CEP97: variants seen among roughly 807,000 people sequenced by gnomAD.
The protein encoded by CEP97 is centrosomal protein 97.
Under a neutral mutation model 73.1 loss-of-function variants are expected in CEP97, and 43 were observed. The observed-to-expected ratio is 0.59, with a 90% CI of 0.46 to 0.76. CEP97 has a LOEUF of 0.76. Ranked by LOEUF, CEP97 falls within the 30% of genes least tolerant of loss-of-function variation. The pLI is 0.00. For missense variants in CEP97, 939 were observed against 1,014.0 expected (o/e 0.93, Z 1.00); for synonymous variants, 337 against 370.0 (o/e 0.91, Z 1.02).
chr3:101,757,848 A>C lies in CEP97; in HGVS notation c.1242A>C (p.Pro414=), dbSNP rs1939056464. ...TGCCAGTTGCATCAGGACTGTCTCC[A>C]CTATCACCTACAGTTGAGCTGAGGC... ...TFMPVASGLS[P]LSPTVELRLQ... Residue 414 remains proline (P), a synonymous_variant, in exon 9 of 11, where the codon CCA becomes CCC. Coordinates refer to ENST00000341893, the MANE Select transcript of CEP97 (RefSeq NM_024548.4). 4 of 1,614,126 alleles carry C rather than the reference A, an allele frequency of 2.5e-6. No individual in the cohort carries two copies. Among genetic ancestry groups the C allele is most frequent in the Non-Finnish European group, 3.4e-6 (4 of 1,180,054 alleles).
In CEP97 at chr3:101,732,529, G is replaced by C. The variant is rs368081844; in HGVS notation, c.603G>C (p.Ser201=). Residue 201 remains serine (S), a synonymous_variant, in exon 6 of 11, where the codon TCG becomes TCC. Coordinates refer to ENST00000341893, the MANE Select transcript of CEP97 (RefSeq NM_024548.4). ...LASLTELEQL[S]IMNNPCVMAT... ...CCTTAACTGAATTGGAACAGTTGTCGATTATGAACAATCCTTGTGTGATGG... is the reference window on the plus strand; with the variant it reads ...CCTTAACTGAATTGGAACAGTTGTCCATTATGAACAATCCTTGTGTGATGG... The C allele has an allele frequency of 2.5e-6, 4 of 1,613,210 alleles. No homozygotes were observed. In the Admixed American group the frequency reaches 5.0e-5, roughly 20 times the overall value.
At chr3:101,763,151 T>G (rs769214284) in intron 10 of CEP97, 41 of 1,248,250 alleles carry the variant, frequency 3.3e-5, no homozygotes, top group Non-Finnish European at 4.1e-5. Context: ...CTCAAACTTC[T>G]GGGCTCAAGC....
In CEP97 at chr3:101,750,135, G is replaced by A. The variant is rs1192510905; in HGVS notation, c.729-5295G>A. Among the ~76,000 whole-genome samples, 380 of 141,576 alleles carry A rather than the reference G, an allele frequency of 2.7e-3. 18 individuals are homozygous for A. The highest frequency in any genetic ancestry group is 7.8e-4 in the Non-Finnish European group (50 of 64,282). The allele number at this position is 141,576 out of a possible 152,430, so 92.9% of individuals were successfully genotyped here. ...GGGTTTTTATGGTTTTAGGTCTAAC[G>A]TTTAAGTCTTTAATCCATCTTGAAT... On this transcript the variant is annotated intron_variant, in intron 6 of 10. Transcript: ENST00000341893.
chr3:101,760,104 A>G (rs1274186408), intron 9 of CEP97, among the ~76,000 whole-genome samples: 1 of 149,636 alleles, frequency 6.7e-6, no homozygotes, highest in Non-Finnish European at 1.5e-5. Flanking sequence ...TGTAGTGTCG[A>G]AGTAGAGGAA....
rs759026391 is a variant in CEP97 at position 101,726,739 on chromosome 3, A to T, written c.186+3A>T. ...AGAAATGCAAACGATTAATACAGGT[A>T]GGTATTGCAATCTGGGAAATGGTTA... On this transcript the variant is annotated splice_donor_region_variant and intron_variant, in intron 2 of 10. Coordinates refer to ENST00000341893, the MANE Select transcript of CEP97 (RefSeq NM_024548.4). The T allele has an allele frequency of 1.3e-6, 2 of 1,579,254 alleles. No homozygotes were observed. Among genetic ancestry groups the T allele is most frequent in the Non-Finnish European group, 8.6e-7 (1 of 1,160,822 alleles).
At position 101,724,731 on chromosome 3, in the gene CEP97, C is replaced by T. The variant is rs1937820466; in HGVS notation, c.43+12C>T. ...GCCTCCCGGAGAAGGTAAGGCGATC[C>T]CTACCCCGAGTCCTAAGGTTTACTT... On this transcript the variant is annotated intron_variant, in intron 1 of 10. Transcript: ENST00000341893. 2 of 1,613,910 alleles carry T rather than the reference C, an allele frequency of 1.2e-6. No homozygotes were observed. Among genetic ancestry groups the T allele is most frequent in the African/African-American group, 2.7e-5 (2 of 74,938 alleles).
At chr3:101,744,312 A>T (rs1027964049) in intron 6 of CEP97, among the ~76,000 whole-genome samples, 1 of 152,032 alleles carries the variant, frequency 6.6e-6, no homozygotes, top group Non-Finnish European at 1.5e-5. Context: ...GGGTCAGCAC[A>T]TTGGTTCATG....
intron 6 of CEP97, among the ~76,000 whole-genome samples, chr3:101,744,633 T>C (rs1296624906): frequency 7.2e-6 from 1 of 139,180 alleles, no homozygotes; most frequent in African/African-American, 2.6e-5. Flanking sequence ...GGAACTTAGA[T>C]GGTTGGTGCC....
At chr3:101,734,611 G>A (rs538894248) in intron 6 of CEP97, among the ~76,000 whole-genome samples, 1 of 152,338 alleles carries the variant, frequency 6.6e-6, no homozygotes, top group Non-Finnish European at 1.5e-5. Flanking sequence ...TGGTGCTGGT[G>A]TAGGGTGAGG....
rs1939310875 is a variant in CEP97 at position 101,766,051 on chromosome 3, T to A, written c.*500T>A. 1 of 152,256 alleles carries A rather than the reference T, an allele frequency of 6.6e-6. No individual in the cohort carries two copies. The highest frequency in any genetic ancestry group is 2.1e-4 in the South Asian group (1 of 4,832). The allele number at this position is 152,256 out of a possible 1,614,324, so 9.4% of individuals were successfully genotyped here. A position where few individuals can be genotyped will look rare whatever the true frequency, so the allele number is the denominator to read the frequency against. On this transcript the variant is annotated 3_prime_UTR_variant, in exon 11 of 11. Coordinates refer to ENST00000341893, the MANE Select transcript of CEP97 (RefSeq NM_024548.4). ...GTCTCCCTGGTGTAAAATGTTTTTT[T>A]AAAGCCTTTTTTCCTCCTTTCGGAG...
intron 6 of CEP97, among the ~76,000 whole-genome samples, chr3:101,743,862 G>A (rs1423257179): frequency 6.6e-6 from 1 of 152,056 alleles, no homozygotes; most frequent in African/African-American, 2.4e-5. Flanking sequence ...AAATTAGCTG[G>A]GTATGGTCGC....
At chr3:101,741,715 A>AT (rs1453031633) in intron 6 of CEP97, among the ~76,000 whole-genome samples, 1 of 152,200 alleles carries the variant, frequency 6.6e-6, no homozygotes. Context: ...ATGAGATACC[A>AT]TCTCATGCCA....
At chr3:101,763,137 C>A in intron 10 of CEP97, 1 of 1,209,596 alleles carries the variant, frequency 8.3e-7, no homozygotes, top group Non-Finnish European at 1.1e-6. Flanking sequence ...TTGCCCAGGC[C>A]GGTCTCAAAC....
chr3:101,764,826 A>G (rs750580264), intron 10 of CEP97, 21 bp from the exon 11 acceptor site: 2 of 1,559,380 alleles, frequency 1.3e-6, no homozygotes, highest in Non-Finnish European at 1.7e-6. Context: ...TTATAATACA[A>G]CTGTATTCTC....
At chr3:101,754,066 T>C (rs1373092527) in intron 6 of CEP97, among the ~76,000 whole-genome samples, 4 of 146,650 alleles carry the variant, frequency 2.7e-5, no homozygotes, top group African/African-American at 1.0e-4. Context: ...TTTTTTTTTT[T>C]TTAAGAAACA....
chr3:101,728,093 G>A (rs905391510), intron 3 of CEP97, among the ~76,000 whole-genome samples: 3 of 152,144 alleles, frequency 2.0e-5, no homozygotes, highest in African/African-American at 4.8e-5. Flanking sequence ...GACATTATGC[G>A]TGTTATAAAG....
rs191237856 is a variant in CEP97 at position 101,765,248 on chromosome 3, C to T, written c.2295C>T (p.Asn765=). The part of the protein sequence containing the change: ...HGEWNKESSN[N]EQDNSLLEQY... ...AATGGAATAAGGAAAGCTCAAATAACGAGCAGGACAATAGTCTGCTTGAAC... is the reference window on the plus strand; with the variant it reads ...AATGGAATAAGGAAAGCTCAAATAATGAGCAGGACAATAGTCTGCTTGAAC... Residue 765 remains asparagine, a synonymous_variant, in exon 11 of 11, where the codon AAC becomes AAT. Coordinates refer to ENST00000341893, the MANE Select transcript of CEP97 (RefSeq NM_024548.4). The T allele has an allele frequency of 8.1e-5, 131 of 1,614,164 alleles. No individual in the cohort carries two copies. Among genetic ancestry groups the T allele is most frequent in the East Asian group, 2.0e-4 (9 of 44,878 alleles).
rs749088868 is a variant in CEP97, at chr3:101,757,915, G to T, written c.1309G>T (p.Asp437Tyr). ...GGGCCTAGAAGATGATGGTGTTGCA[G>T]ATGAATCTGTGAAAGGGCTGGAAAG... ...NLGLEDDGVA[D>Y]ESVKGLESQV... Residue 437 changes from aspartate to tyrosine, a missense_variant, in exon 9 of 11, where the codon GAT (aspartate) becomes TAT (tyrosine). Physicochemically the swap from Asp to Tyr is radical, Grantham distance 160. Coordinates refer to ENST00000341893, the MANE Select transcript of CEP97 (RefSeq NM_024548.4). 2.5e-6 allele frequency: 4 copies of T among 1,614,152 alleles called. No individual in the cohort carries two copies. The African/African-American group carries it at 4.0e-5, about 16-fold the overall frequency.
rs182619953 is a variant in CEP97 at position 101,760,726 on chromosome 3, A to T, written c.1818-1759A>T. On this transcript the variant is annotated intron_variant, in intron 9 of 10. Coordinates refer to ENST00000341893, the MANE Select transcript of CEP97 (RefSeq NM_024548.4). ...CCAGCTAATTAAAAAAAATTTTTTT[A>T]AAGAGATGAAGTCTATGTTGCCCAT... Among the ~76,000 whole-genome samples the T allele has an allele frequency of 7.9e-3, 1,200 of 152,102 alleles. 6 individuals carry two copies. The highest frequency in any genetic ancestry group is 0.012 in the Non-Finnish European group (815 of 67,978).
Sources: gnomAD v4.1 joint callset for allele counts (sites outside exome capture counted in the v4.1 genomes callset) on GRCh38, gnomAD v4.1.1 for gene constraint, MANE v1.5 for transcripts, NCBI Gene and HGNC (gene_info 2026-07-23, HGNC 2026-07-21) for gene names.